The following PRICKLE2 variants were observed in gnomAD, a reference collection of about 807,000 sequenced individuals.
PRICKLE2 encodes the protein prickle planar cell polarity protein 2.
Under a neutral mutation model 81.4 loss-of-function variants are expected in PRICKLE2, and 21 were observed. The ratio of observed to expected loss-of-function variants is 0.26; its 90% confidence interval spans 0.18 to 0.37. PRICKLE2 has a LOEUF of 0.37. PRICKLE2 is among the 10% of genes least tolerant of loss of function. PRICKLE2 has a pLI of 1.00. For synonymous variants in PRICKLE2, 456 were observed against 421.5 expected, an observed-to-expected ratio of 1.08 and a Z score of -1.00; for missense variants, 940 against 1,109.0, an observed-to-expected ratio of 0.85 and a Z score of 2.16.
intron 2 of PRICKLE2, among the ~76,000 whole-genome samples, chr3:64,176,910 C>T (rs940866099): frequency 6.6e-6 from 1 of 152,006 alleles, no homozygotes; most frequent in South Asian, 2.1e-4. Context: ...ATATCTTGGC[C>T]TGCGGGTTAT....
At chr3:64,117,958 C>A (rs2076963173) in intron 7 of PRICKLE2, among the ~76,000 whole-genome samples, 1 of 152,116 alleles carries the variant, frequency 6.6e-6, no homozygotes, top group Admixed American at 6.5e-5. Flanking sequence ...AACTATATTA[C>A]AGGGCTACAG....
intron 7 of PRICKLE2, among the ~76,000 whole-genome samples, chr3:64,142,816 A>C (rs182197861): frequency 1.6e-4 from 24 of 152,304 alleles, no homozygotes; most frequent in Admixed American, 1.4e-3. Context: ...ATTATCATTT[A>C]ACCCTCACCA....
intron 2 of PRICKLE2, among the ~76,000 whole-genome samples, chr3:64,255,872 ACT>A (rs1427066128): frequency 6.6e-6 from 1 of 152,174 alleles, no homozygotes; most frequent in African/African-American, 2.4e-5. Context: ...GTATCTGTAT[ACT>A]GCTTCCCTGC....
intron 2 of PRICKLE2, among the ~76,000 whole-genome samples, chr3:64,230,719 A>G (rs1045643812): frequency 2.6e-5 from 4 of 152,332 alleles, no homozygotes; most frequent in Middle Eastern, 3.4e-3. Context: ...AGCAGATGAC[A>G]GCTACCTCAC....
chr3:64,216,343 T>G (rs1274643016), intron 1 of PRICKLE2, among the ~76,000 whole-genome samples: 1 of 152,140 alleles, frequency 6.6e-6, no homozygotes, highest in Non-Finnish European at 1.5e-5. Context: ...TTTCAGAAAG[T>G]TCATCAATTC....
At chr3:64,121,939 T>C (rs704385) in intron 7 of PRICKLE2, among the ~76,000 whole-genome samples, 131,594 of 152,200 alleles carry the variant, frequency 0.86, 56,987 homozygotes, top group East Asian at 1. Context: ...TCTTCTGAAC[T>C]TCTAGCAGAG....
intron 1 of PRICKLE2, 187 bp from the exon 2 acceptor site, chr3:64,199,154 G>C (rs2078521126): frequency 1.6e-6 from 1 of 634,362 alleles, no homozygotes; most frequent in African/African-American, 1.8e-5. Flanking sequence ...GTACACGCAT[G>C]TGAAAACAGC....
chr3:64,234,670 T>C (rs761747441), intron 2 of PRICKLE2, among the ~76,000 whole-genome samples: 1 of 152,172 alleles, frequency 6.6e-6, no homozygotes, highest in African/African-American at 2.4e-5. Context: ...ATAAAGTTCG[T>C]TTATCTATTT....
intron 1 of PRICKLE2, among the ~76,000 whole-genome samples, chr3:64,202,519 G>C (rs1186150290): frequency 2.0e-5 from 3 of 152,012 alleles, no homozygotes; most frequent in Admixed American, 1.3e-4. Context: ...ACTGTAATTA[G>C]AATTGTTCTC....
rs2077474914 is a variant in PRICKLE2, at chr3:64,147,413, T to C, written c.1077A>G (p.Gln359=). ...CGGCTGACAGCCGGTTAGAACTCAC[T>C]TGCAGCTGGCTGTGCTGGTTCAGCA... is the stretch of plus-strand genomic sequence containing the variant. ...EPMLNQHSQL[Q]VSSNRLSADV... The change falls in exon 7 of 8, where the codon CAA becomes CAG. Residue 359 remains glutamine (Q), a synonymous_variant. Coordinates refer to ENST00000638394, the MANE Select transcript of PRICKLE2 (RefSeq NM_198859.4). This position sits in a 1 kb window ranked among gnomAD's most constrained non-coding sequence, Gnocchi z 5.0. 6.2e-7 allele frequency: 1 copy of C among 1,614,248 alleles called. No homozygotes were observed. Among genetic ancestry groups the C allele is most frequent in the African/African-American group, 1.3e-5 (1 of 75,076 alleles).
chr3:64,157,450 A>T, intron 4 of PRICKLE2, 85 bp from the exon 5 acceptor site: 1 of 1,364,834 alleles, frequency 7.3e-7, no homozygotes, highest in South Asian at 1.2e-5. Context: ...AACCACCATT[A>T]GCTGGCTACT....
intron 2 of PRICKLE2, among the ~76,000 whole-genome samples, chr3:64,238,418 T>C (rs569873585): frequency 2.0e-4 from 28 of 138,358 alleles, no homozygotes; most frequent in South Asian, 4.6e-4. Flanking sequence ...ATCCGGGAGG[T>C]GGAGGTTGCA....
chr3:64,123,619 C>A (rs1454073220), intron 7 of PRICKLE2, among the ~76,000 whole-genome samples: 2 of 152,206 alleles, frequency 1.3e-5, no homozygotes, highest in Non-Finnish European at 2.9e-5. Flanking sequence ...GTGTCTCTGT[C>A]ACATTGTGGT....
In PRICKLE2 at chr3:64,165,285, T is replaced by C. The variant is rs150007317; in HGVS notation, c.145-2156A>G. Among the ~76,000 whole-genome samples, 27 of 152,272 alleles carry C rather than the reference T, an allele frequency of 1.8e-4. No individual in the cohort carries two copies. The East Asian group carries it at 5.0e-3, about 28-fold the overall frequency. ...TGTCTAAGGCTGGCCCAAGTTGGAA[T>C]CTTCCCTGCACCCTCTAGGGCATGG... On this transcript the variant is annotated intron_variant, in intron 2 of 7. Transcript: ENST00000638394.
chr3:64,157,233 G>T lies in PRICKLE2; in HGVS notation c.529C>A (p.Gln177Lys). The T allele has an allele frequency of 6.2e-7, 1 of 1,614,204 alleles. No homozygotes were observed. The highest frequency in any genetic ancestry group is 8.5e-7 in the Non-Finnish European group (1 of 1,180,036). Reference protein sequence around the residue: ...ELLVDLIYFYQDGKIYCGRHH... With the variant: ...ELLVDLIYFYKDGKIYCGRHH... ...CTGCCACAGTATATCTTCCCATCTTGGTAAAAGTAGATCAGATCCACCAGG... is the reference window on the plus strand; with the variant it reads ...CTGCCACAGTATATCTTCCCATCTTTGTAAAAGTAGATCAGATCCACCAGG... Residue 177 changes from glutamine (Q) to lysine (K), a missense_variant, in exon 5 of 8, where the codon CAA becomes AAA. Gln to Lys is a moderately conservative substitution (Grantham distance 53). Transcript: ENST00000638394.
chr3:64,145,718 T>G (rs1575587778), intron 7 of PRICKLE2: 1 of 152,114 alleles, frequency 6.6e-6, no homozygotes, highest in East Asian at 2.0e-4. Context: ...CAGAACAGTC[T>G]CAGAAGCTGT....
At chr3:64,175,699 T>G (rs749613249) in intron 2 of PRICKLE2, among the ~76,000 whole-genome samples, 2 of 152,216 alleles carry the variant, frequency 1.3e-5, no homozygotes, top group African/African-American at 4.8e-5. Flanking sequence ...ATCCAGGTAT[T>G]GCATTTTGAA....
chr3:64,151,120 C>A (rs143181558), intron 6 of PRICKLE2, among the ~76,000 whole-genome samples: 22 of 152,294 alleles, frequency 1.4e-4, no homozygotes, highest in African/African-American at 5.3e-4. Flanking sequence ...TGACGCAGGG[C>A]CTGCTCTGAG....
At chr3:64,248,524 T>C (rs1031213757) in intron 2 of PRICKLE2, among the ~76,000 whole-genome samples, 35 of 152,134 alleles carry the variant, frequency 2.3e-4, no homozygotes, top group African/African-American at 8.0e-4. Context: ...GTCAAGAAGG[T>C]GGTGACTTGA....
Sources: gnomAD v4.1 joint callset for allele counts (sites outside exome capture counted in the v4.1 genomes callset) on GRCh38, gnomAD v4.1.1 for gene constraint, Gnocchi (gnomAD v3.1) non-coding constraint, MANE v1.5 for transcripts, NCBI Gene and HGNC (gene_info 2026-07-23, HGNC 2026-07-21) for gene names.